CACNG2: variants seen among roughly 807,000 people sequenced by gnomAD.
CACNG2 encodes voltage-dependent calcium channel gamma-2 subunit.
Under a neutral mutation model 25.9 loss-of-function variants are expected in CACNG2, and 3 were observed. The observed-to-expected ratio is 0.12, with a 90% confidence interval of 0.05 to 0.30. The LOEUF (loss-of-function observed/expected upper bound fraction) is 0.30, where lower values mean the gene tolerates loss of function less well. Among genes scored for constraint, CACNG2 ranks in the 10% least tolerant of loss-of-function variants. CACNG2 has a pLI of 1.00. For missense variants in CACNG2, 341 were observed against 432.5 expected, an observed-to-expected ratio of 0.79 and a Z score of 1.88; for synonymous variants, 167 against 173.3, an observed-to-expected ratio of 0.96 and a Z score of 0.29.
chr22:36,564,326 G>A lies in CACNG2; in HGVS notation c.*25C>T. 1 of 1,591,466 alleles carries A rather than the reference G, an allele frequency of 6.3e-7. No homozygotes were observed. Among genetic ancestry groups the A allele is most frequent in the Non-Finnish European group, 8.6e-7 (1 of 1,168,766 alleles). ...CCCGGGGACCGCGCCCTCCTCCCGC[G>A]GTCTTCTGGCGAGGCCCGCGGTCTT... is the stretch of plus-strand genomic sequence containing the variant. On this transcript the variant is annotated 3_prime_UTR_variant, in exon 4 of 4. Transcript: ENST00000300105. The surrounding 1 kb of genome is among the most constrained non-coding windows in gnomAD (Gnocchi z 6.7).
intron 1 of CACNG2, among the ~76,000 whole-genome samples, chr22:36,675,740 G>A (rs768806787): frequency 1.1e-4 from 17 of 152,324 alleles, no homozygotes; most frequent in Middle Eastern, 3.4e-3. Context: ...ACCTGTTATC[G>A]TAGTATCCCA....
Position 36,603,672 on chromosome 22 carries a change from C to G in CACNG2, c.212-16124G>C, listed in dbSNP as rs567802080. Among the ~76,000 whole-genome samples the G allele has an allele frequency of 3.3e-5, 5 of 152,316 alleles. No homozygotes were observed. In the East Asian group the frequency reaches 9.6e-4, roughly 29 times the overall value. Reference sequence around the variant, plus strand: ...GCCCTTAAGAAGTATGCTAAATCTACTCTACCTGTGCTCTATAAATGAGAC... The same window carrying G: ...GCCCTTAAGAAGTATGCTAAATCTAGTCTACCTGTGCTCTATAAATGAGAC... On this transcript the variant is annotated intron_variant, in intron 1 of 3. Coordinates refer to ENST00000300105, the MANE Select transcript of CACNG2 (RefSeq NM_006078.5).
intron 1 of CACNG2, among the ~76,000 whole-genome samples, chr22:36,591,423 GC>G (rs1411983624): frequency 1.3e-5 from 2 of 152,116 alleles, no homozygotes; most frequent in African/African-American, 4.8e-5. Flanking sequence ...CTCAGCCTTA[GC>G]TTTAGGAAGC....
intron 1 of CACNG2, among the ~76,000 whole-genome samples, chr22:36,702,025 G>T (rs900227839): frequency 1.3e-5 from 2 of 152,010 alleles, no homozygotes; most frequent in Non-Finnish European, 2.9e-5. Flanking sequence ...CTCATAGATG[G>T]CAATGCTAAA....
chr22:36,667,159 C>T (rs1018025337), intron 1 of CACNG2, among the ~76,000 whole-genome samples: 16 of 152,044 alleles, frequency 1.1e-4, no homozygotes, highest in Non-Finnish European at 1.6e-4. Flanking sequence ...GTGGCTAAGA[C>T]GGGGTTTCAC....
chr22:36,679,202 CTTTCTTTCTTT>C (rs1937061222), intron 1 of CACNG2, among the ~76,000 whole-genome samples: 94 of 66,216 alleles, frequency 1.4e-3, no homozygotes, highest in African/African-American at 3.8e-3. Context: ...TCCTTCCTTT[CTTTCTTTCTTT>C]CTTTCTTTCT....
chr22:36,670,760 T>C (rs1229148654), intron 1 of CACNG2, among the ~76,000 whole-genome samples: 2 of 151,902 alleles, frequency 1.3e-5, no homozygotes, highest in East Asian at 1.9e-4. Context: ...GTCCCTCAAG[T>C]AGCTGAGACT....
At chr22:36,593,286 T>C (rs2145926267) in intron 1 of CACNG2, among the ~76,000 whole-genome samples, 1 of 152,182 alleles carries the variant, frequency 6.6e-6, no homozygotes, top group African/African-American at 2.4e-5. Flanking sequence ...GATTTCCTGG[T>C]TGTGGAATCT....
At chr22:36,614,413 C>T (rs1935992906) in intron 1 of CACNG2, among the ~76,000 whole-genome samples, 1 of 152,184 alleles carries the variant, frequency 6.6e-6, no homozygotes, top group African/African-American at 2.4e-5. Context: ...AAATCCTGAG[C>T]CGGCAGCTCC....
intron 1 of CACNG2, among the ~76,000 whole-genome samples, chr22:36,691,738 T>C (rs911891687): frequency 2.0e-5 from 3 of 152,242 alleles, no homozygotes; most frequent in Non-Finnish European, 4.4e-5. Context: ...ATCTTCAGAA[T>C]TGTGAAGATT....
intron 1 of CACNG2, among the ~76,000 whole-genome samples, chr22:36,610,906 A>T (rs754253623): frequency 2.6e-5 from 4 of 151,346 alleles, no homozygotes; most frequent in Non-Finnish European, 4.4e-5. Context: ...CCCCAAGGCT[A>T]CTCCCCACCT....
Position 36,702,529 on chromosome 22 carries a change from A to G in CACNG2, c.48T>C (p.Gly16=). ...TCATCAGGCTGAAGGCAGCGAAAGC[A>G]CCAACGGTGGTTAAAAGCATTTGAA... The part of the protein sequence containing the change: ...RGVQMLLTTV[G]AFAAFSLMTI... The change falls in exon 1 of 4, where the codon GGT becomes GGC. Residue 16 remains glycine, a synonymous_variant. Coordinates refer to ENST00000300105, the MANE Select transcript of CACNG2 (RefSeq NM_006078.5). 1 of 1,614,160 alleles carries G rather than the reference A, an allele frequency of 6.2e-7. No homozygotes were observed. Among genetic ancestry groups the G allele is most frequent in the Non-Finnish European group, 8.5e-7 (1 of 1,180,020 alleles).
intron 1 of CACNG2, among the ~76,000 whole-genome samples, chr22:36,592,171 A>G (rs1001819440): frequency 7.3e-6 from 1 of 137,912 alleles, no homozygotes; most frequent in African/African-American, 2.7e-5. Context: ...GAGGATGGAT[A>G]TGGAGTCTAA....
At chr22:36,658,820 T>A (rs117152288) in intron 1 of CACNG2, among the ~76,000 whole-genome samples, 3,053 of 150,356 alleles carry the variant, frequency 0.02, 56 homozygotes, top group Non-Finnish European at 0.032. Flanking sequence ...AGGGCAAGAG[T>A]GTGCGGGGAA....
At chr22:36,565,515 G>A (rs1379329768) in intron 3 of CACNG2, among the ~76,000 whole-genome samples, 1 of 150,814 alleles carries the variant, frequency 6.6e-6, no homozygotes, top group Non-Finnish European at 1.5e-5. Context: ...GTCTTGCTCT[G>A]TCACCCAGGC....
At chr22:36,621,125 G>A (rs1468505754) in intron 1 of CACNG2, among the ~76,000 whole-genome samples, 1 of 152,222 alleles carries the variant, frequency 6.6e-6, no homozygotes, top group Non-Finnish European at 1.5e-5. Flanking sequence ...TCTCTTATAG[G>A]TATTGAGCTC....
chr22:36,678,553 C>T (rs1937045836), intron 1 of CACNG2, among the ~76,000 whole-genome samples: 1 of 151,908 alleles, frequency 6.6e-6, no homozygotes, highest in African/African-American at 2.4e-5. Flanking sequence ...CAGTTCTGAC[C>T]CAATTCTCTC....
intron 1 of CACNG2, among the ~76,000 whole-genome samples, chr22:36,645,649 TA>T (rs1481261691): frequency 1.5e-4 from 23 of 151,944 alleles, no homozygotes; most frequent in South Asian, 2.1e-4. Flanking sequence ...AGGGAGAATA[TA>T]TTTTCTTCCT....
At chr22:36,668,531 C>T (rs1051514747) in intron 1 of CACNG2, among the ~76,000 whole-genome samples, 1 of 151,696 alleles carries the variant, frequency 6.6e-6, no homozygotes, top group African/African-American at 2.4e-5. Flanking sequence ...CTCTGTTGCC[C>T]AGGCTGGGGT....
Sources: allele counts gnomAD v4.1 joint callset (sites outside exome capture counted in the v4.1 genomes callset), GRCh38; gene constraint gnomAD v4.1.1; non-coding constraint Gnocchi (gnomAD v3.1); transcripts MANE v1.5; gene names NCBI Gene and HGNC (gene_info 2026-07-23, HGNC 2026-07-21).